Variants in XKR4 observed in about 807,000 individuals in gnomAD.
XKR4 encodes the protein XK related 4, also known as XK-related protein 4.
In XKR4, 12 loss-of-function variants were observed where a neutral mutation model predicts 53.9. The observed-to-expected ratio is 0.22, with a 90% CI of 0.14 to 0.36. The LOEUF (loss-of-function observed/expected upper bound fraction) is 0.36, where lower values mean the gene tolerates loss of function less well. Among genes scored for constraint, XKR4 ranks in the 10% least tolerant of loss-of-function variants. The pLI is 1.00. For synonymous variants in XKR4, 354 were observed against 362.4 expected (o/e 0.98, Z 0.26); for missense variants, 799 against 859.5 (o/e 0.93, Z 0.88).
intron 1 of XKR4, among the ~76,000 whole-genome samples, chr8:55,165,110 T>C (rs1331710833): frequency 6.6e-6 from 1 of 152,210 alleles, no homozygotes; most frequent in African/African-American, 2.4e-5. Context: ...AAATTCAGTA[T>C]GCTTGTTCCT....
At chr8:55,313,221 C>T (rs939402916) in intron 1 of XKR4, among the ~76,000 whole-genome samples, 2 of 152,090 alleles carry the variant, frequency 1.3e-5, no homozygotes, top group Non-Finnish European at 2.9e-5. Flanking sequence ...ACATTGTGTT[C>T]TTTTTACAAC....
chr8:55,310,068 T>C (rs936831652), intron 1 of XKR4, among the ~76,000 whole-genome samples: 6 of 152,132 alleles, frequency 3.9e-5, no homozygotes, highest in Non-Finnish European at 8.8e-5. Context: ...TGTGTGTGCA[T>C]GTTTTTGAAG....
chr8:55,109,176 G>A (rs1402354463), intron 1 of XKR4, among the ~76,000 whole-genome samples: 1 of 152,264 alleles, frequency 6.6e-6, no homozygotes, highest in East Asian at 1.9e-4. Flanking sequence ...TAGAAGCAGT[G>A]AGTTTCCCAT....
chr8:55,253,195 C>G (rs1260416324), intron 1 of XKR4, among the ~76,000 whole-genome samples: 1 of 152,052 alleles, frequency 6.6e-6, no homozygotes, highest in African/African-American at 2.4e-5. Flanking sequence ...TATGCCTTTT[C>G]CTTCCGACGT....
intron 1 of XKR4, among the ~76,000 whole-genome samples, chr8:55,116,982 G>A (rs1816317254): frequency 1.3e-5 from 2 of 152,146 alleles, no homozygotes; most frequent in Admixed American, 1.3e-4. Flanking sequence ...GATCTTAAAA[G>A]ACTTGATGTG....
chr8:55,300,023 G>C (rs569201281), intron 1 of XKR4, among the ~76,000 whole-genome samples: 1 of 152,294 alleles, frequency 6.6e-6, no homozygotes, highest in South Asian at 2.1e-4. Flanking sequence ...ACACAAGACT[G>C]TCTGGAGGTG....
At chr8:55,326,658 A>T (rs948624530) in intron 1 of XKR4, among the ~76,000 whole-genome samples, 8 of 151,170 alleles carry the variant, frequency 5.3e-5, no homozygotes, top group Non-Finnish European at 1.2e-4. Context: ...TTTTATGGAG[A>T]TGAGGCTTCA....
chr8:55,197,865 C>T (rs1258174503), intron 1 of XKR4, among the ~76,000 whole-genome samples: 2 of 152,118 alleles, frequency 1.3e-5, no homozygotes, highest in Admixed American at 1.3e-4. Flanking sequence ...TTTTTAAAAA[C>T]AAAGTTTCAT....
At position 55,481,666 on chromosome 8, in the gene XKR4, C is replaced by A. The variant is rs187752099; in HGVS notation, c.1007-41615C>A. Among the ~76,000 whole-genome samples the A allele has an allele frequency of 1.5e-3, 227 of 151,914 alleles. 1 individual carries two copies. The highest frequency in any genetic ancestry group is 5.4e-3 in the African/African-American group (223 of 41,370). The stretch of plus-strand genomic sequence containing the variant: ...ACTCATCTGACAAAGGGCTAATATC[C>A]AGAATCTACAATGAACTCAAATCAA... On this transcript the variant is annotated intron_variant, in intron 2 of 2. Coordinates refer to ENST00000327381, the MANE Select transcript of XKR4 (RefSeq NM_052898.2).
chr8:55,183,083 T>G (rs1416786412), intron 1 of XKR4, among the ~76,000 whole-genome samples: 1 of 152,096 alleles, frequency 6.6e-6, no homozygotes, highest in African/African-American at 2.4e-5. Flanking sequence ...TTAATGTCTA[T>G]GGGGTTAATA....
chr8:55,465,168 T>C (rs1162976134), intron 2 of XKR4, among the ~76,000 whole-genome samples: 1 of 152,106 alleles, frequency 6.6e-6, no homozygotes, highest in Admixed American at 6.5e-5. Flanking sequence ...AAAAGAAGCC[T>C]GCATTGCCAA....
At chr8:55,173,587 A>C (rs185165811) in intron 1 of XKR4, among the ~76,000 whole-genome samples, 1 of 152,244 alleles carries the variant, frequency 6.6e-6, no homozygotes, top group East Asian at 1.9e-4. Context: ...TTTTATTCTG[A>C]CAGTGTTTTC....
chr8:55,218,010 T>G (rs1817829626), intron 1 of XKR4, among the ~76,000 whole-genome samples: 1 of 152,198 alleles, frequency 6.6e-6, no homozygotes, highest in African/African-American at 2.4e-5. Flanking sequence ...CCTTTCCTTT[T>G]TGACTGGATG....
chr8:55,102,993 C>A lies in XKR4; in HGVS notation c.505C>A (p.His169Asn), dbSNP rs746259175. 1 of 1,612,050 alleles carries A rather than the reference C, an allele frequency of 6.2e-7. No individual in the cohort carries two copies. Among genetic ancestry groups the A allele is most frequent in the East Asian group, 2.2e-5 (1 of 44,868 alleles). Reference sequence around the variant, plus strand: ...AGTGTTCAGCTTCCGCTGGTTTGTGCACGATTTCAGCACCGAGGACAGCGC... The same window carrying A: ...AGTGTTCAGCTTCCGCTGGTTTGTGAACGATTTCAGCACCGAGGACAGCGC... ...VQVFSFRWFV[H>N]DFSTEDSATA... Residue 169 changes from histidine to asparagine, a missense_variant, in exon 1 of 3, where the codon CAC (histidine) becomes AAC (asparagine). Physicochemically the swap from His to Asn is moderately conservative, Grantham distance 68. This residue lies in a region of XKR4 where 476 missense variants were observed against 505.4 expected (regional missense o/e 0.94). Coordinates refer to ENST00000327381, the MANE Select transcript of XKR4 (RefSeq NM_052898.2). This position sits in a 1 kb window ranked among gnomAD's most constrained non-coding sequence, Gnocchi z 5.1.
chr8:55,146,318 GA>G (rs932857614), intron 1 of XKR4, among the ~76,000 whole-genome samples: 4 of 152,180 alleles, frequency 2.6e-5, no homozygotes, highest in Non-Finnish European at 5.9e-5. Context: ...GACAAGAAGG[GA>G]CCTGTTTTCC....
At chr8:55,189,832 T>C (rs1277448466) in intron 1 of XKR4, among the ~76,000 whole-genome samples, 1 of 152,218 alleles carries the variant, frequency 6.6e-6, no homozygotes, top group East Asian at 1.9e-4. Context: ...AGTGTGAATC[T>C]CATATTAGGA....
At chr8:55,506,816 G>A (rs1408956281) in intron 2 of XKR4, among the ~76,000 whole-genome samples, 1 of 152,206 alleles carries the variant, frequency 6.6e-6, no homozygotes, top group African/African-American at 2.4e-5. Flanking sequence ...TGTGAATGCA[G>A]CATTTATTGC....
intron 1 of XKR4, among the ~76,000 whole-genome samples, chr8:55,166,846 G>C (rs1191957628): frequency 2.0e-5 from 3 of 152,212 alleles, no homozygotes; most frequent in Admixed American, 6.5e-5. Context: ...TGGTGGACTA[G>C]AGCACAGATT....
At chr8:55,174,432 G>A (rs1405377131) in intron 1 of XKR4, among the ~76,000 whole-genome samples, 2 of 152,178 alleles carry the variant, frequency 1.3e-5, no homozygotes, top group African/African-American at 4.8e-5. Context: ...GCTTGGACTA[G>A]AGGAAAAGGA....
Sources: gnomAD v4.1 joint callset for allele counts (sites outside exome capture counted in the v4.1 genomes callset) on GRCh38, gnomAD v4.1.1 for gene constraint, gnomAD v4.1.1 regional missense constraint, Gnocchi (gnomAD v3.1) non-coding constraint, MANE v1.5 for transcripts, NCBI Gene and HGNC (gene_info 2026-07-23, HGNC 2026-07-21) for gene names.